The following CCDC7 variants were observed in gnomAD, a reference collection of about 807,000 sequenced individuals.
The protein encoded by CCDC7 is coiled-coil domain containing 7.
In CCDC7, 183 loss-of-function variants were observed where a neutral mutation model predicts 196.9. The ratio of observed to expected loss-of-function variants is 0.93; its 90% CI spans 0.82 to 1.05. The LOEUF is 1.05. Among genes scored for constraint, CCDC7 ranks in the 50% least tolerant of loss-of-function variants. CCDC7 has a pLI of 0.00. For missense variants in CCDC7, 1,540 were observed against 1,482.2 expected, an observed-to-expected ratio of 1.04 and a Z score of -0.64; for synonymous variants, 525 against 484.6, an observed-to-expected ratio of 1.08 and a Z score of -1.10.
chr10:32,447,388 A>G (rs1436974862), upstream of CCDC7, among the ~76,000 whole-genome samples: 1 of 151,658 alleles, frequency 6.6e-6, no homozygotes, highest in Admixed American at 6.6e-5. Flanking sequence ...CTCATTGGCC[A>G]CTCTTCTTAC....
At chr10:32,857,574 A>G (rs2093801105) in intron 41 of CCDC7, among the ~76,000 whole-genome samples, 1 of 152,216 alleles carries the variant, frequency 6.6e-6, no homozygotes, top group South Asian at 2.1e-4. Flanking sequence ...TTAAAAATAT[A>G]TTGACAAATG....
intron 18 of CCDC7, among the ~76,000 whole-genome samples, chr10:32,629,535 T>C (rs1041515219): frequency 2.0e-5 from 3 of 152,186 alleles, no homozygotes; most frequent in Non-Finnish European, 2.9e-5. Flanking sequence ...GCTTTGGATT[T>C]ATTGCTAGAG....
intron 20 of CCDC7, among the ~76,000 whole-genome samples, chr10:32,651,085 AAG>A (rs1233723001): frequency 6.6e-6 from 1 of 152,102 alleles, no homozygotes; most frequent in Admixed American, 6.5e-5. Flanking sequence ...ACCTGCACTC[AAG>A]GGTCCTCAGC....
chr10:32,616,551 GTT>G (rs35565255), intron 18 of CCDC7, among the ~76,000 whole-genome samples: 4 of 144,180 alleles, frequency 2.8e-5, no homozygotes, highest in African/African-American at 2.5e-5. Flanking sequence ...AATCTAAGAG[GTT>G]TTTTTTTTTT....
intron 29 of CCDC7, among the ~76,000 whole-genome samples, chr10:32,787,426 T>C (rs2082048351): frequency 1.3e-5 from 2 of 152,174 alleles, no homozygotes; most frequent in African/African-American, 4.8e-5. Context: ...AGATGAGAGA[T>C]TACAGCACTT....
chr10:32,629,665 A>C (rs974349408), intron 18 of CCDC7, among the ~76,000 whole-genome samples: 1 of 152,130 alleles, frequency 6.6e-6, no homozygotes, highest in African/African-American at 2.4e-5. Context: ...CAAGCCAGAG[A>C]AGAAGGTGCA....
intron 8 of CCDC7, among the ~76,000 whole-genome samples, chr10:32,484,584 A>T (rs1487883611): frequency 5.3e-5 from 8 of 152,166 alleles, no homozygotes. Context: ...CAGTTTTCAA[A>T]GGGAATGCTT....
chr10:32,747,061 G>A (rs1037105251), intron 28 of CCDC7, among the ~76,000 whole-genome samples: 2 of 152,178 alleles, frequency 1.3e-5, no homozygotes, highest in African/African-American at 2.4e-5. Context: ...CCCCCCAACT[G>A]AGTGTTGTTG....
At chr10:32,757,060 A>C (rs2076583716) in intron 28 of CCDC7, among the ~76,000 whole-genome samples, 1 of 152,218 alleles carries the variant, frequency 6.6e-6, no homozygotes, top group African/African-American at 2.4e-5. Context: ...AACTATCCTA[A>C]ATATATATGC....
chr10:32,505,418 A>G (rs2044758051), intron 9 of CCDC7, among the ~76,000 whole-genome samples: 1 of 152,036 alleles, frequency 6.6e-6, no homozygotes, highest in African/African-American at 2.4e-5. Context: ...TCTGTTTAAC[A>G]AAGCACATCT....
At chr10:32,453,051 G>C (rs2033492331) in intron 1 of CCDC7, among the ~76,000 whole-genome samples, 2 of 152,084 alleles carry the variant, frequency 1.3e-5, no homozygotes, top group Non-Finnish European at 2.9e-5. Flanking sequence ...TCTACTTAAT[G>C]CTTCAACCAC....
intron 28 of CCDC7, among the ~76,000 whole-genome samples, chr10:32,770,266 C>T (rs529906724): frequency 1.2e-4 from 18 of 152,274 alleles, no homozygotes; most frequent in Non-Finnish European, 1.9e-4. Context: ...GTTAACTTCT[C>T]TCTTAGCACT....
intron 20 of CCDC7, among the ~76,000 whole-genome samples, chr10:32,647,603 T>A (rs531412403): frequency 1.3e-5 from 2 of 151,872 alleles, no homozygotes; most frequent in East Asian, 3.9e-4. Context: ...CTGATCATTT[T>A]TTCATATGCT....
chr10:32,689,387 A>G (rs1247681391), intron 23 of CCDC7, among the ~76,000 whole-genome samples: 1 of 152,188 alleles, frequency 6.6e-6, no homozygotes, highest in Non-Finnish European at 1.5e-5. Context: ...AGGCTTTATA[A>G]CAAATGTATA....
exon 22 of CCDC7, chr10:32,685,978 G>A (rs2076423713): frequency 6.4e-7 from 1 of 1,555,098 alleles, no homozygotes; most frequent in African/African-American, 1.4e-5. Context: ...AGCTCATAAT[G>A]AAGTACCAAA....
intron 28 of CCDC7, among the ~76,000 whole-genome samples, chr10:32,765,812 G>C (rs2078197682): frequency 6.6e-6 from 1 of 152,040 alleles, no homozygotes; most frequent in Non-Finnish European, 1.5e-5. Context: ...TGATTTCATT[G>C]CTTGAGCAAA....
chr10:32,871,178 C>A (rs1056914083), intron 41 of CCDC7, among the ~76,000 whole-genome samples: 2 of 152,136 alleles, frequency 1.3e-5, no homozygotes, highest in Non-Finnish European at 2.9e-5. Context: ...AGGAATGGTA[C>A]CAGTTCCTCC....
chr10:32,637,664 G>A (rs948311449), intron 20 of CCDC7, among the ~76,000 whole-genome samples: 1 of 152,166 alleles, frequency 6.6e-6, no homozygotes, highest in African/African-American at 2.4e-5. Context: ...CAGGTAGCGT[G>A]GTACCTCCAG....
rs894593173 is a variant in CCDC7, at chr10:32,525,035, T to A, written c.993+6530T>A. Among the ~76,000 whole-genome samples, 5 of 152,036 alleles carry A rather than the reference T, an allele frequency of 3.3e-5. No individual in the cohort carries two copies. In the East Asian group the frequency reaches 7.7e-4, roughly 23 times the overall value. The stretch of plus-strand genomic sequence containing the variant: ...TGCCCTCATGAGGCTGTTTTCTAGA[T>A]CTTGTACGTGTGCTTCATTGTGTGT... On this transcript the variant is annotated intron_variant, in intron 11 of 41. Coordinates refer to ENST00000639629, the Ensembl canonical transcript of CCDC7.
Sources: allele counts gnomAD v4.1 joint callset (sites outside exome capture counted in the v4.1 genomes callset), GRCh38; gene constraint gnomAD v4.1.1; transcripts MANE v1.5; gene names NCBI Gene and HGNC (gene_info 2026-07-23, HGNC 2026-07-21).